Variants in NEDD1 observed in about 807,000 individuals in gnomAD.
NEDD1 encodes the protein NEDD1 gamma-tubulin ring complex targeting factor.
In NEDD1, 33 loss-of-function variants were observed where a neutral mutation model predicts 74.0. That is an observed-to-expected ratio of 0.45 (90% CI 0.34 to 0.60). The LOEUF (loss-of-function observed/expected upper bound fraction) is 0.60, where lower values mean the gene tolerates loss of function less well. Among genes scored for constraint, NEDD1 ranks in the 20% least tolerant of loss-of-function variants. The probability of loss-of-function intolerance (pLI) is 0.01; values close to 1 mark genes in which losing one functional copy is unlikely to be tolerated. For missense variants in NEDD1, 746 were observed against 776.5 expected, an observed-to-expected ratio of 0.96 and a Z score of 0.47; for synonymous variants, 250 against 264.4, an observed-to-expected ratio of 0.95 and a Z score of 0.53.
intron 6 of NEDD1, chr12:96,924,900 A>T (rs568024702): frequency 2.2e-6 from 1 of 446,056 alleles, no homozygotes; most frequent in Non-Finnish European, 4.5e-6. Context: ...CAAATTCTGG[A>T]AGAAGCATTC....
At chr12:96,923,909 GTCTTT>G (rs1350651226) in intron 6 of NEDD1, among the ~76,000 whole-genome samples, 12 of 151,626 alleles carry the variant, frequency 7.9e-5, no homozygotes, top group South Asian at 2.1e-4. Context: ...TCATATGTCA[GTCTTT>G]TCTTTTATGT....
intron 6 of NEDD1, among the ~76,000 whole-genome samples, chr12:96,930,848 A>G (rs249568): frequency 0.51 from 77,409 of 152,004 alleles, 20,291 homozygotes; most frequent in African/African-American, 0.62. Context: ...ACACACGTAC[A>G]CATGCACTCA....
At chr12:96,934,142 T>C (rs888030819) in intron 6 of NEDD1, among the ~76,000 whole-genome samples, 1 of 152,182 alleles carries the variant, frequency 6.6e-6, no homozygotes, top group African/African-American at 2.4e-5. Context: ...GTGCATCAGA[T>C]GCTCAGATTC....
rs1388914512 is a variant in NEDD1, at chr12:96,907,859, A to G, written c.-9+3A>G. 9 of 1,353,068 alleles carry G rather than the reference A, an allele frequency of 6.7e-6. No homozygotes were observed. Among genetic ancestry groups the G allele is most frequent in the South Asian group, 3.7e-5 (2 of 53,398 alleles). The allele number at this position is 1,353,068 out of a possible 1,614,324, so 83.8% of individuals were successfully genotyped here. ...TGCTCAGTTCTTAGAAGACCGAGGTAGGTGGGCAGATGGTCCTCTTCCCCG... is the reference window on the plus strand; with the variant it reads ...TGCTCAGTTCTTAGAAGACCGAGGTGGGTGGGCAGATGGTCCTCTTCCCCG... On this transcript the variant is annotated splice_donor_region_variant and intron_variant, in intron 2 of 15. Transcript: ENST00000266742.
chr12:96,938,862 T>G (rs1169289912), intron 9 of NEDD1, among the ~76,000 whole-genome samples: 3 of 151,976 alleles, frequency 2.0e-5, no homozygotes, highest in Non-Finnish European at 4.4e-5. Flanking sequence ...TTTCTTTGCC[T>G]CTGAAACATT....
At position 96,952,982 on chromosome 12, in the gene NEDD1, T is replaced by G. The variant is rs760200118; in HGVS notation, c.*929T>G. 1 of 151,602 alleles carries G rather than the reference T, an allele frequency of 6.6e-6. No individual in the cohort carries two copies. Among genetic ancestry groups the G allele is most frequent in the Non-Finnish European group, 1.5e-5 (1 of 67,646 alleles). 9.4% of individuals were successfully genotyped at this position (151,602 alleles called of 1,614,324 possible). A position where few individuals can be genotyped will look rare whatever the true frequency, so the allele number is the denominator to read the frequency against. ...TATAATATTTTTATATTATTGGCCT[T>G]ACCATAAAATTATTTAGAAAGGTTG... On this transcript the variant is annotated 3_prime_UTR_variant, in exon 16 of 16. Coordinates refer to ENST00000266742, the MANE Select transcript of NEDD1 (RefSeq NM_152905.4).
chr12:96,915,341 A>ATT (rs1172556353), intron 4 of NEDD1, among the ~76,000 whole-genome samples: 3 of 152,202 alleles, frequency 2.0e-5, no homozygotes, highest in Admixed American at 2.0e-4. Context: ...CAAGATTAGC[A>ATT]TGTTTATAGT....
At chr12:96,939,081 G>A (rs1877410105) in intron 9 of NEDD1, among the ~76,000 whole-genome samples, 1 of 152,000 alleles carries the variant, frequency 6.6e-6, no homozygotes, top group African/African-American at 2.4e-5. Context: ...TACTATCATT[G>A]TGGTCATCAT....
chr12:96,934,674 A>C (rs1876902048), intron 6 of NEDD1, among the ~76,000 whole-genome samples: 2 of 152,008 alleles, frequency 1.3e-5, no homozygotes, highest in Admixed American at 1.3e-4. Flanking sequence ...AGTAGCTGTA[A>C]TTACAGGCGC....
At chr12:96,951,720 A>T (rs1021128029) in intron 15 of NEDD1, among the ~76,000 whole-genome samples, 1 of 151,794 alleles carries the variant, frequency 6.6e-6, no homozygotes, top group Non-Finnish European at 1.5e-5. Flanking sequence ...CTTCCTGATA[A>T]GTAAGCAAAA....
intron 6 of NEDD1, among the ~76,000 whole-genome samples, chr12:96,932,463 A>AATATATATATATATATATATAT (rs1555203253): frequency 1.3e-3 from 12 of 9,416 alleles, no homozygotes; most frequent in East Asian, 5.9e-3. Flanking sequence ...AAAAAAAAAA[A>AATATATATATATATATATATAT]ATATATATAT....
intron 7 of NEDD1, among the ~76,000 whole-genome samples, chr12:96,935,573 G>A (rs1457634597): frequency 2.6e-5 from 4 of 152,222 alleles, no homozygotes; most frequent in East Asian, 3.9e-4. Context: ...TTTGGGCTGG[G>A]TAATTCTTTG....
At chr12:96,937,426 G>C in intron 9 of NEDD1, 33 bp downstream of exon 9, 1 of 1,282,530 alleles carries the variant, frequency 7.8e-7, no homozygotes, top group Non-Finnish European at 1.0e-6. Context: ...TGGAGGGTTG[G>C]TTTGTTTTTT....
At chr12:96,932,579 G>A (rs1345580387) in intron 6 of NEDD1, among the ~76,000 whole-genome samples, 2 of 139,942 alleles carry the variant, frequency 1.4e-5, no homozygotes, top group African/African-American at 5.3e-5. Context: ...AGGATTCTTA[G>A]CTAATATCTT....
chr12:96,930,195 ACACACACACACACACACTCT>A (rs1311048389), intron 6 of NEDD1, among the ~76,000 whole-genome samples: 22 of 74,758 alleles, frequency 2.9e-4, no homozygotes, highest in African/African-American at 6.0e-4. Context: ...ACACACACAC[ACACACACACACACACACTCT>A]CTCTCTCTCT....
chr12:96,936,933 A>G (rs1178968039), intron 8 of NEDD1, 121 bp downstream of exon 8: 4 of 633,518 alleles, frequency 6.3e-6, no homozygotes, highest in Non-Finnish European at 1.0e-5. Flanking sequence ...ATGATTTTAC[A>G]TGTAATGTAT....
intron 6 of NEDD1, among the ~76,000 whole-genome samples, chr12:96,922,920 CCT>C (rs550954958): frequency 3.8e-4 from 58 of 152,136 alleles, no homozygotes; most frequent in African/African-American, 1.4e-3. Flanking sequence ...TTCAAGACCA[CCT>C]TGGGCAATGT....
At chr12:96,946,739 C>G (rs755992805) in intron 14 of NEDD1, among the ~76,000 whole-genome samples, 6 of 152,084 alleles carry the variant, frequency 3.9e-5, no homozygotes, top group Admixed American at 6.6e-5. Context: ...TGAATTAATT[C>G]ATTTGGGATC....
At chr12:96,938,706 A>G (rs1189643045) in intron 9 of NEDD1, among the ~76,000 whole-genome samples, 1 of 152,076 alleles carries the variant, frequency 6.6e-6, no homozygotes, top group African/African-American at 2.4e-5. Context: ...TCTTACAGAA[A>G]AGTTTTAAGA....
Sources: allele counts gnomAD v4.1 joint callset (sites outside exome capture counted in the v4.1 genomes callset), GRCh38; gene constraint gnomAD v4.1.1; transcripts MANE v1.5; gene names NCBI Gene and HGNC (gene_info 2026-07-23, HGNC 2026-07-21).